The following BMPER variants were observed in gnomAD, a reference collection of about 807,000 sequenced individuals.
BMPER encodes BMP binding endothelial regulator, also known as BMP-binding endothelial regulator protein.
BMPER carries 45 observed loss-of-function variants against 87.3 expected under a neutral mutation model. The observed-to-expected ratio is 0.52, with a 90% CI of 0.41 to 0.66. The LOEUF (loss-of-function observed/expected upper bound fraction) is 0.66, where lower values mean the gene tolerates loss of function less well. Among genes scored for constraint, BMPER ranks in the 30% least tolerant of loss-of-function variants. BMPER has a pLI of 0.00. For missense variants in BMPER, 784 were observed against 867.5 expected (o/e 0.90, Z 1.21); for synonymous variants, 326 against 316.2 (o/e 1.03, Z -0.33).
At chr7:33,996,089 A>G (rs1344828494) in intron 6 of BMPER, among the ~76,000 whole-genome samples, 1 of 152,230 alleles carries the variant, frequency 6.6e-6, no homozygotes, top group Non-Finnish European at 1.5e-5. Context: ...AATAGGACCT[A>G]TGAAGCTATT....
chr7:33,905,293 T>C, upstream of BMPER: 1 of 433,414 alleles, frequency 2.3e-6, no homozygotes, highest in South Asian at 2.2e-5. Flanking sequence ...GCAACACCCC[T>C]TCCTCCTGGC....
chr7:34,117,356 T>C (rs931770255), intron 13 of BMPER, among the ~76,000 whole-genome samples: 6 of 152,132 alleles, frequency 3.9e-5, no homozygotes, highest in African/African-American at 7.2e-5. Flanking sequence ...TACATTCCTA[T>C]GAGGATGTCT....
At chr7:34,037,193 T>A (rs1201805397) in intron 6 of BMPER, among the ~76,000 whole-genome samples, 1 of 152,124 alleles carries the variant, frequency 6.6e-6, no homozygotes, top group Non-Finnish European at 1.5e-5. Flanking sequence ...AGAGACAAGT[T>A]GTCTCTTAAA....
chr7:34,104,583 A>G (rs974335137), intron 13 of BMPER, among the ~76,000 whole-genome samples: 50 of 152,216 alleles, frequency 3.3e-4, no homozygotes, highest in African/African-American at 1.2e-3. Context: ...GCTCAGGGCC[A>G]TTTTCCCATT....
intron 6 of BMPER, among the ~76,000 whole-genome samples, chr7:33,982,960 A>C (rs1386158913): frequency 6.6e-6 from 1 of 152,148 alleles, no homozygotes; most frequent in Non-Finnish European, 1.5e-5. Context: ...TTGGACTGGG[A>C]AAATTTCATA....
At chr7:34,148,008 G>C (rs1791074101) in intron 14 of BMPER, among the ~76,000 whole-genome samples, 1 of 152,060 alleles carries the variant, frequency 6.6e-6, no homozygotes, top group South Asian at 2.1e-4. Context: ...CCCTTCCAAG[G>C]CTTCCGTTTG....
chr7:33,985,656 A>G (rs538648961), intron 6 of BMPER, among the ~76,000 whole-genome samples: 3 of 151,640 alleles, frequency 2.0e-5, no homozygotes, highest in African/African-American at 7.3e-5. Flanking sequence ...ACTATTTTCC[A>G]TTTGGAAATC....
chr7:34,082,996 G>T (rs1789094995), intron 12 of BMPER, among the ~76,000 whole-genome samples: 1 of 152,152 alleles, frequency 6.6e-6, no homozygotes, highest in Non-Finnish European at 1.5e-5. Context: ...GTGAGGTCAA[G>T]TTTCTTCAAT....
rs58577259 is a variant in BMPER, at chr7:33,920,420, G to GTTT, written c.219+13538_219+13540dup. 4.8e-3 allele frequency among the ~76,000 whole-genome samples: 412 copies of GTTT among 86,318 alleles called. 3 individuals are homozygous for GTTT. Among genetic ancestry groups the GTTT allele is most frequent in the African/African-American group, 6.4e-3 (137 of 21,480 alleles). The allele number at this position is 86,318 out of a possible 152,430, so 56.6% of individuals were successfully genotyped here. ...GTGCAGACCAGGGAAACTCCGTTGT[G>GTTT]TTTTTTTTTTTTTTTTTTTTTTTGA... On this transcript the variant is annotated intron_variant, in intron 2 of 14. Transcript: ENST00000649409.
chr7:34,073,769 T>C (rs1290563528), intron 11 of BMPER, among the ~76,000 whole-genome samples: 3 of 152,256 alleles, frequency 2.0e-5, no homozygotes, highest in Non-Finnish European at 4.4e-5. Flanking sequence ...AAATTAAGAC[T>C]GTCCCAGAAC....
intron 6 of BMPER, among the ~76,000 whole-genome samples, chr7:34,024,384 A>AATATATATATATAT (rs200214350): frequency 1.3e-4 from 3 of 23,430 alleles, no homozygotes; most frequent in African/African-American, 2.1e-4. Context: ...AAAAAAAAAC[A>AATATATATATATAT]ATATATATAT....
chr7:34,027,264 C>T (rs1787382130), intron 6 of BMPER, among the ~76,000 whole-genome samples: 1 of 152,056 alleles, frequency 6.6e-6, no homozygotes, highest in African/African-American at 2.4e-5. Context: ...CACTATTTGC[C>T]TTTTTGACTA....
chr7:34,058,865 TC>T (rs1788353670), intron 10 of BMPER, among the ~76,000 whole-genome samples: 1 of 152,206 alleles, frequency 6.6e-6, no homozygotes, highest in Non-Finnish European at 1.5e-5. Context: ...ATCCATATAT[TC>T]AGGACATGTC....
At chr7:33,963,916 T>G (rs1785338649) in intron 3 of BMPER, among the ~76,000 whole-genome samples, 2 of 152,178 alleles carry the variant, frequency 1.3e-5, no homozygotes, top group Non-Finnish European at 2.9e-5. Flanking sequence ...CCATGGCCAA[T>G]AAGAGATAGT....
At chr7:33,966,380 A>G (rs1288881475) in intron 3 of BMPER, 99 bp from the exon 4 acceptor site, 21 of 1,031,992 alleles carry the variant, frequency 2.0e-5, no homozygotes, top group East Asian at 4.9e-5. Context: ...TTTGATCGCT[A>G]ATCTGGGCTT....
rs560916239 is a variant in BMPER, at chr7:33,918,000, C to G, written c.219+11097C>G. ...CCTCTATAAGAAACATTTTTAGCATCGTTTATTTTTATTTTTATTTTTTGT... is the reference window on the plus strand; with the variant it reads ...CCTCTATAAGAAACATTTTTAGCATGGTTTATTTTTATTTTTATTTTTTGT... On this transcript the variant is annotated intron_variant, in intron 2 of 14. Coordinates refer to ENST00000649409, the MANE Select transcript of BMPER (RefSeq NM_001365308.1). Among the ~76,000 whole-genome samples the G allele has an allele frequency of 3.3e-5, 5 of 150,842 alleles. No homozygotes were observed. In the South Asian group the frequency reaches 1.0e-3, roughly 32 times the overall value.
At chr7:34,114,459 G>C (rs1026321253) in intron 13 of BMPER, among the ~76,000 whole-genome samples, 1 of 152,138 alleles carries the variant, frequency 6.6e-6, no homozygotes, top group African/African-American at 2.4e-5. Context: ...TCATAAATTC[G>C]TTCAAAAGTA....
At chr7:33,936,662 A>G (rs944243077) in intron 2 of BMPER, among the ~76,000 whole-genome samples, 9 of 152,374 alleles carry the variant, frequency 5.9e-5, no homozygotes, top group Middle Eastern at 6.8e-3. Flanking sequence ...AAAACCAAAG[A>G]TGCAAATGTT....
intron 11 of BMPER, among the ~76,000 whole-genome samples, chr7:34,066,428 G>T (rs1585795654): frequency 6.6e-6 from 1 of 152,174 alleles, no homozygotes; most frequent in African/African-American, 2.4e-5. Flanking sequence ...CAACTGAAAA[G>T]AATTAGATTT....
Sources: gnomAD v4.1 joint callset for allele counts (sites outside exome capture counted in the v4.1 genomes callset) on GRCh38, gnomAD v4.1.1 for gene constraint, MANE v1.5 for transcripts, NCBI Gene and HGNC (gene_info 2026-07-23, HGNC 2026-07-21) for gene names.